TOP2B: variants seen among roughly 807,000 people sequenced by gnomAD.
TOP2B encodes DNA topoisomerase 2-beta.
A neutral mutation model predicts 193.5 loss-of-function variants in TOP2B; 51 were observed. That is an observed-to-expected ratio of 0.26 (90% CI 0.21 to 0.33). The LOEUF is 0.33. TOP2B is among the 10% of genes least tolerant of loss of function. The pLI, the probability that TOP2B is intolerant of heterozygous loss-of-function variation, is 1.00. For synonymous variants in TOP2B, 634 were observed against 635.7 expected (o/e 1.00, Z 0.04); for missense variants, 1,378 against 1,909.3 (o/e 0.72, Z 5.19).
chr3:25,610,133 G>A (rs571387390), intron 28 of TOP2B, among the ~76,000 whole-genome samples: 8 of 151,948 alleles, frequency 5.3e-5, no homozygotes, highest in Admixed American at 2.0e-4. Context: ...TCTGAGAGGC[G>A]GAGATTGCGG....
Position 25,606,069 on chromosome 3 carries a change from G to A in TOP2B, c.4352C>T (p.Pro1451Leu). ...SQDFGNLFSF[P>L]SYSQKSEDDS... ...ATCTTCTGACTTCTGAGAATATGAAGGAAATGAGAAGAGATTTCCAAAATC... is the reference window on the plus strand; with the variant it reads ...ATCTTCTGACTTCTGAGAATATGAAAGAAATGAGAAGAGATTTCCAAAATC... Residue 1451 changes from proline to leucine, a missense_variant, in exon 32 of 36, where the codon CCT becomes CTT. Physicochemically the swap from Pro to Leu is moderately conservative, Grantham distance 98. Around this residue, in one of 9 missense-constraint regions of TOP2B, gnomAD observed 556 missense variants for 584.2 expected, o/e 0.95. Coordinates refer to ENST00000264331, the MANE Select transcript of TOP2B (RefSeq NM_001330700.2). The A allele has an allele frequency of 6.7e-7, 1 of 1,500,650 alleles. No homozygotes were observed. The highest frequency in any genetic ancestry group is 9.0e-7 in the Non-Finnish European group (1 of 1,116,412). The allele number at this position is 1,500,650 out of a possible 1,614,324, so 93.0% of individuals were successfully genotyped here.
intron 4 of TOP2B, among the ~76,000 whole-genome samples, chr3:25,641,718 A>G (rs1049913660): frequency 1.3e-5 from 2 of 152,134 alleles, no homozygotes; most frequent in African/African-American, 4.8e-5. Flanking sequence ...TACTAGAGAA[A>G]AATCTTAAAA....
chr3:25,664,631 A>C lies in TOP2B; in HGVS notation c.-334T>G, dbSNP rs1278752607. 8.1e-6 allele frequency: 8 copies of C among 990,582 alleles called. No homozygotes were observed. The highest frequency in any genetic ancestry group is 9.6e-6 in the Non-Finnish European group (8 of 833,968). 61.4% of individuals were successfully genotyped at this position (990,582 alleles called of 1,614,324 possible). On this transcript the variant is annotated 5_prime_UTR_variant, in exon 1 of 36. Transcript: ENST00000264331. ...CGGGCGCCGCTGCAGGCCGGGCTGA[A>C]GCCCGGGCGTGCGAGCCGCGAGGGC...
At chr3:25,625,870 G>A (rs375537146) in intron 18 of TOP2B, among the ~76,000 whole-genome samples, 7 of 152,258 alleles carry the variant, frequency 4.6e-5, no homozygotes, top group African/African-American at 1.7e-4. Flanking sequence ...ATGAACAAAG[G>A]TAAAATAAGA....
chr3:25,621,304 T>C (rs1702651873), intron 21 of TOP2B, among the ~76,000 whole-genome samples: 1 of 152,212 alleles, frequency 6.6e-6, no homozygotes, highest in East Asian at 1.9e-4. Context: ...TCATCATTCA[T>C]CTACATAAAT....
chr3:25,627,342 G>T, intron 15 of TOP2B, 46 bp from the exon 16 acceptor site: 1 of 1,271,372 alleles, frequency 7.9e-7, no homozygotes, highest in Non-Finnish European at 1.1e-6. Flanking sequence ...ATCAATGTCT[G>T]TTTAAAACCA....
intron 28 of TOP2B, among the ~76,000 whole-genome samples, chr3:25,612,077 T>G (rs1482708739): frequency 6.6e-6 from 1 of 151,652 alleles, no homozygotes; most frequent in South Asian, 2.1e-4. Flanking sequence ...CAAGTAGCTG[T>G]GATACAGGCG....
chr3:25,626,893 C>A, intron 16 of TOP2B, 29 bp from the exon 17 acceptor site: 3 of 1,321,724 alleles, frequency 2.3e-6, no homozygotes, highest in Non-Finnish European at 2.1e-6. Context: ...CGATTTTGCA[C>A]ATTAAAAATA....
intron 27 of TOP2B, among the ~76,000 whole-genome samples, chr3:25,614,483 C>A (rs1173523138): frequency 1.3e-5 from 2 of 151,858 alleles, no homozygotes; most frequent in African/African-American, 4.8e-5. Context: ...GTTGAGGGAG[C>A]CTAGAAAAAT....
At chr3:25,649,662 CTTCAAAAA>C (rs1703523985) in intron 1 of TOP2B, among the ~76,000 whole-genome samples, 1 of 149,952 alleles carries the variant, frequency 6.7e-6, no homozygotes, top group Non-Finnish European at 1.5e-5. Flanking sequence ...CAAAAGTGCC[CTTCAAAAA>C]TGAAGTAGAA....
At chr3:25,598,969 G>A (rs78009872) in intron 35 of TOP2B, among the ~76,000 whole-genome samples, 1,626 of 152,150 alleles carry the variant, frequency 0.011, 25 homozygotes, top group African/African-American at 0.036. Flanking sequence ...ACATAAAAAG[G>A]GATGCGGGGG....
At chr3:25,660,804 A>G (rs1703888100) in intron 1 of TOP2B, among the ~76,000 whole-genome samples, 1 of 152,222 alleles carries the variant, frequency 6.6e-6, no homozygotes, top group Admixed American at 6.5e-5. Context: ...TTCACACTCC[A>G]AAAATATGTT....
At position 25,606,485 on chromosome 3, in the gene TOP2B, C is replaced by A. The variant is rs556065637; in HGVS notation, c.4299-363G>T. Among the ~76,000 whole-genome samples the A allele has an allele frequency of 2.6e-5, 4 of 152,036 alleles. No individual in the cohort carries two copies. The South Asian group carries it at 8.3e-4, about 32-fold the overall frequency. Reference sequence around the variant, plus strand: ...CTACAGTTGATAGAAATAACCATTCCAGAATTTAAGATCAGCAAACTATGG... The same window carrying A: ...CTACAGTTGATAGAAATAACCATTCAAGAATTTAAGATCAGCAAACTATGG... On this transcript the variant is annotated intron_variant, in intron 31 of 35. Coordinates refer to ENST00000264331, the MANE Select transcript of TOP2B (RefSeq NM_001330700.2).
intron 27 of TOP2B, among the ~76,000 whole-genome samples, chr3:25,614,301 T>A (rs73820569): frequency 1.6e-3 from 233 of 149,114 alleles, no homozygotes; most frequent in African/African-American, 5.4e-3. Context: ...TATCAGGATA[T>A]CAATAATATT....
chr3:25,651,904 T>C lies in TOP2B; in HGVS notation c.70-6434A>G, dbSNP rs763444041. Among the ~76,000 whole-genome samples, 4 of 146,192 alleles carry C rather than the reference T, an allele frequency of 2.7e-5. No homozygotes were observed. In the South Asian group the frequency reaches 8.6e-4, roughly 31 times the overall value. The stretch of plus-strand genomic sequence containing the variant: ...AGATTAAGTGCCCAAATAAAAGACA[T>C]AGATTGGCCAATGGAATAAAAAAAT... On this transcript the variant is annotated intron_variant, in intron 1 of 35. Transcript: ENST00000264331.
chr3:25,615,332 C>T (rs978857023), intron 26 of TOP2B, 44 bp from the exon 27 acceptor site: 3 of 1,574,680 alleles, frequency 1.9e-6, no homozygotes, highest in African/African-American at 2.8e-5. Context: ...AGTTTTAAAA[C>T]ATATGAAGGA....
intron 15 of TOP2B, among the ~76,000 whole-genome samples, chr3:25,628,249 G>C (rs547846723): frequency 6.6e-6 from 1 of 150,842 alleles, no homozygotes; most frequent in Non-Finnish European, 1.5e-5. Context: ...GCCAAGGTGG[G>C]TGGATGGCTT....
At chr3:25,638,827 C>T (rs182683471) in intron 4 of TOP2B, among the ~76,000 whole-genome samples, 2 of 152,236 alleles carry the variant, frequency 1.3e-5, no homozygotes, top group East Asian at 3.9e-4. Context: ...TTTCTCAGAT[C>T]TGGTATTTAT....
At chr3:25,648,248 G>A (rs1267367127) in intron 1 of TOP2B, among the ~76,000 whole-genome samples, 1 of 152,100 alleles carries the variant, frequency 6.6e-6, no homozygotes, top group Non-Finnish European at 1.5e-5. Flanking sequence ...GACACAAGGT[G>A]GAGCTCCAGT....
Sources: gnomAD v4.1 joint callset for allele counts (sites outside exome capture counted in the v4.1 genomes callset) on GRCh38, gnomAD v4.1.1 for gene constraint, gnomAD v4.1.1 regional missense constraint, MANE v1.5 for transcripts, NCBI Gene and HGNC (gene_info 2026-07-23, HGNC 2026-07-21) for gene names.